Variants in CSNK1D observed in about 807,000 individuals in gnomAD.
The protein encoded by CSNK1D is casein kinase I isoform delta.
In CSNK1D, 16 loss-of-function variants were observed where a neutral mutation model predicts 46.6. That is an observed-to-expected ratio of 0.34 (90% confidence interval 0.23 to 0.52). The LOEUF (loss-of-function observed/expected upper bound fraction) is 0.52. Ranked by LOEUF, CSNK1D falls within the 20% of genes least tolerant of loss-of-function variation. CSNK1D has a pLI of 0.95. For missense variants in CSNK1D, 398 were observed against 578.4 expected (o/e 0.69, Z 3.20); for synonymous variants, 276 against 228.2 (o/e 1.21, Z -1.89).
intron 2 of CSNK1D, among the ~76,000 whole-genome samples, chr17:82,258,546 C>T (rs1214573221): frequency 6.6e-6 from 1 of 152,140 alleles, no homozygotes; most frequent in Non-Finnish European, 1.5e-5. Context: ...ATTCTTTTCT[C>T]TCTCTAGATG....
rs2050800058 is a variant in CSNK1D, at chr17:82,244,502, A to G, written c.*279T>C. 143 of 1,410,566 alleles carry G rather than the reference A, an allele frequency of 1.0e-4. No homozygotes were observed. Among genetic ancestry groups the G allele is most frequent in the Non-Finnish European group, 1.3e-4 (139 of 1,080,366 alleles). 87.4% of individuals were successfully genotyped at this position (1,410,566 alleles called of 1,614,324 possible). ...ACTGGAGGGAGCTGAGGCCCTGGAAAAGGAGTCTGATTCTCTGCAATTCTC... is the reference window on the plus strand; with the variant it reads ...ACTGGAGGGAGCTGAGGCCCTGGAAGAGGAGTCTGATTCTCTGCAATTCTC... On this transcript the variant is annotated 3_prime_UTR_variant, in exon 9 of 9. Coordinates refer to ENST00000314028, the MANE Select transcript of CSNK1D (RefSeq NM_001893.6).
In CSNK1D at chr17:82,255,140, G is replaced by T; in HGVS notation, c.336+289C>A. 2.2e-6 allele frequency: 1 copy of T among 447,214 alleles called. No homozygotes were observed. Among genetic ancestry groups the T allele is most frequent in the Non-Finnish European group, 4.1e-6 (1 of 245,402 alleles). The allele number at this position is 447,214 out of a possible 1,614,324, so 27.7% of individuals were successfully genotyped here. ...GTGAGCTGAGCCGTCGGAGCCTCCA[G>T]AAGCCAGTGAGCTGGGCCGCCGGAG... On this transcript the variant is annotated intron_variant, in intron 3 of 8. Transcript: ENST00000314028. This position sits in a 1 kb window ranked among gnomAD's most constrained non-coding sequence, Gnocchi z 5.9.
intron 1 of CSNK1D, chr17:82,266,976 C>T (rs11871255): frequency 0.052 from 7,600 of 146,278 alleles, 577 homozygotes; most frequent in African/African-American, 0.17. Flanking sequence ...AGGAGAATGG[C>T]GTGAACCTGG....
At chr17:82,246,122 TCCTTG>T (rs2050844874) in intron 8 of CSNK1D, 1 of 1,552,406 alleles carries the variant, frequency 6.4e-7, no homozygotes, top group Non-Finnish European at 8.7e-7. Context: ...CAGATGGGCA[TCCTTG>T]CCTCAACCAG....
intron 3 of CSNK1D, chr17:82,253,501 G>A: frequency 4.1e-6 from 2 of 492,414 alleles, no homozygotes; most frequent in South Asian, 3.8e-5. Flanking sequence ...TGAGGCGACA[G>A]AGAGGGGACA....
At chr17:82,265,103 C>T (rs749721276) in intron 2 of CSNK1D, among the ~76,000 whole-genome samples, 4 of 151,562 alleles carry the variant, frequency 2.6e-5, no homozygotes, top group Non-Finnish European at 5.9e-5. Context: ...CTGGCCTATT[C>T]ACACACACTC....
At chr17:82,264,685 C>T (rs951714925) in intron 2 of CSNK1D, among the ~76,000 whole-genome samples, 3 of 152,152 alleles carry the variant, frequency 2.0e-5, no homozygotes, top group Non-Finnish European at 4.4e-5. Flanking sequence ...ACTCAGGGAT[C>T]ACACATCAGG....
intron 3 of CSNK1D, chr17:82,253,490 G>C (rs1437636466): frequency 2.7e-5 from 14 of 509,154 alleles, no homozygotes; most frequent in Non-Finnish European, 5.1e-5. Context: ...AAACAGAGAG[G>C]TGAGGCGACA....
chr17:82,251,497 C>T lies in CSNK1D; in HGVS notation c.767G>A (p.Arg256His), dbSNP rs773629124. ...SEFATYLNFC[R>H]SLRFDDKPDY... The stretch of plus-strand genomic sequence containing the variant: ...AGGCTTGTCGTCAAAACGCAAGGAA[C>T]GGCAGAAATTCAGGTATGTGGCAAA... Residue 256 changes from arginine to histidine, a missense_variant, in exon 6 of 9, where the codon CGT (arginine) becomes CAT (histidine). Around this residue, in one of 2 missense-constraint regions of CSNK1D, gnomAD observed 217 missense variants for 370.3 expected, o/e 0.59. Transcript: ENST00000314028. The surrounding 1 kb of genome is among the most constrained non-coding windows in gnomAD (Gnocchi z 4.5). 8 of 1,613,946 alleles carry T rather than the reference C, an allele frequency of 5.0e-6. No homozygotes were observed. Among genetic ancestry groups the T allele is most frequent in the African/African-American group, 2.7e-5 (2 of 74,890 alleles).
At chr17:82,244,858 G>A (rs201284247) in intron 8 of CSNK1D, 27 bp from the exon 9 acceptor site, 1 of 1,613,374 alleles carries the variant, frequency 6.2e-7, no homozygotes, top group Non-Finnish European at 8.5e-7. Flanking sequence ...ACAGGAGAAG[G>A]TCAGCATGGG....
chr17:82,245,877 G>C, intron 8 of CSNK1D: 1 of 1,227,048 alleles, frequency 8.1e-7, no homozygotes, highest in Non-Finnish European at 1.2e-6. Context: ...CCAGCACCTG[G>C]CATGCAAGCC....
chr17:82,253,594 G>A, intron 3 of CSNK1D: 1 of 369,064 alleles, frequency 2.7e-6, no homozygotes, highest in Non-Finnish European at 5.3e-6. Context: ...CTGCACGGAG[G>A]TGCTTAGGAA....
rs748193937 is a variant in CSNK1D at position 82,251,369 on chromosome 17, T to A, written c.885+10A>T. ...CCACACTCAGCGAACGTGCTGGCAG[T>A]GCGACTTACAAATTTGAGCATGTTC... On this transcript the variant is annotated intron_variant, in intron 6 of 8. Coordinates refer to ENST00000314028, the MANE Select transcript of CSNK1D (RefSeq NM_001893.6). This position sits in a 1 kb window ranked among gnomAD's most constrained non-coding sequence, Gnocchi z 4.5. 1.2e-6 allele frequency: 2 copies of A among 1,613,992 alleles called. No individual in the cohort carries two copies.
intron 2 of CSNK1D, among the ~76,000 whole-genome samples, chr17:82,260,255 CGAGTGATGTGACTGATGGTGTACT>C (rs2051295418): frequency 2.0e-5 from 2 of 97,656 alleles, no homozygotes; most frequent in African/African-American, 8.0e-5. Flanking sequence ...GATGGTATAC[CGAGTGATGTGACTGATGGTGTACT>C]GAGTGATGCG....
Position 82,244,793 on chromosome 17 carries a change from G to T in CSNK1D, c.1236C>A (p.Val412=), listed in dbSNP as rs760928529. Residue 412 remains valine (V), a synonymous_variant, in exon 9 of 9, where the codon GTC becomes GTA. Transcript: ENST00000314028. ...GRVASSGLQS[V]VHR is the part of the protein sequence containing the mutation. The stretch of plus-strand genomic sequence containing the variant: ...ATAAGGAGAGTTCTCATCGGTGCAC[G>T]ACAGACTGAAGACCACTGGAAGCCA... The T allele has an allele frequency of 6.2e-7, 1 of 1,613,976 alleles. No homozygotes were observed. The highest frequency in any genetic ancestry group is 8.5e-7 in the Non-Finnish European group (1 of 1,180,038).
chr17:82,252,955 G>T lies in CSNK1D; in HGVS notation c.565+61C>A. The T allele has an allele frequency of 6.8e-7, 1 of 1,471,338 alleles. No individual in the cohort carries two copies. The highest frequency in any genetic ancestry group is 9.5e-7 in the Non-Finnish European group (1 of 1,055,690). 91.1% of individuals were successfully genotyped at this position (1,471,338 alleles called of 1,614,324 possible). A position where few individuals can be genotyped will look rare whatever the true frequency, so the allele number is the denominator to read the frequency against. On this transcript the variant is annotated intron_variant, in intron 4 of 8. Coordinates refer to ENST00000314028, the MANE Select transcript of CSNK1D (RefSeq NM_001893.6). The surrounding 1 kb of genome is among the most constrained non-coding windows in gnomAD (Gnocchi z 4.6). ...CCCCGAGAGGCTGGCCTCTCCCTGG[G>T]CTGAGGCATGGACGCGCCCAAAGGC...
At position 82,250,835 on chromosome 17, in the gene CSNK1D, ACAGCGGTGT is replaced by A; in HGVS notation, c.885+535_885+543del. ...CAGTTCCACAGGAGCTTCATTTCTG[ACAGCGGTGT>A]CTGAAAAGTAATTCAGCTCAGACAT... On this transcript the variant is annotated intron_variant, in intron 6 of 8. Transcript: ENST00000314028. This position sits in a 1 kb window ranked among gnomAD's most constrained non-coding sequence, Gnocchi z 4.6. The A allele has an allele frequency of 5.7e-6, 1 of 174,620 alleles. No individual in the cohort carries two copies. The highest frequency in any genetic ancestry group is 1.5e-4 in the East Asian group (1 of 6,598). The allele number at this position is 174,620 out of a possible 1,614,324, so 10.8% of individuals were successfully genotyped here.
At position 82,273,118 on chromosome 17, in the gene CSNK1D, T is replaced by C. The variant is rs1599629918; in HGVS notation, c.76+188A>G. 4 of 198,892 alleles carry C rather than the reference T, an allele frequency of 2.0e-5. No individual in the cohort carries two copies. Among genetic ancestry groups the C allele is most frequent in the Admixed American group, 6.7e-5 (1 of 14,950 alleles). The allele number at this position is 198,892 out of a possible 1,614,324, so 12.3% of individuals were successfully genotyped here. A position where few individuals can be genotyped will look rare whatever the true frequency, so the allele number is the denominator to read the frequency against. On this transcript the variant is annotated intron_variant, in intron 1 of 8. Transcript: ENST00000314028. This position sits in a 1 kb window ranked among gnomAD's most constrained non-coding sequence, Gnocchi z 5.1. ...GGTCCTGCCCCTCCCCCACGTCCGC[T>C]CCCCACTGCCCTCCCCACCCCTGGC... is the stretch of plus-strand genomic sequence containing the variant.
chr17:82,273,527 C>A lies in CSNK1D; in HGVS notation c.-146G>T. The A allele has an allele frequency of 1.0e-6, 1 of 972,776 alleles. No homozygotes were observed. The highest frequency in any genetic ancestry group is 1.5e-5 in the South Asian group (1 of 65,138). The allele number at this position is 972,776 out of a possible 1,614,324, so 60.3% of individuals were successfully genotyped here. ...CCCGCTTTCACCATCGCTTTCCTGT[C>A]GCCCCGCCGCTCCCAGCGCCTCAAT... On this transcript the variant is annotated 5_prime_UTR_variant, in exon 1 of 9. Transcript: ENST00000314028. This position sits in a 1 kb window ranked among gnomAD's most constrained non-coding sequence, Gnocchi z 5.1.
Sources: gnomAD v4.1 joint callset for allele counts (sites outside exome capture counted in the v4.1 genomes callset) on GRCh38, gnomAD v4.1.1 for gene constraint, gnomAD v4.1.1 regional missense constraint, Gnocchi (gnomAD v3.1) non-coding constraint, MANE v1.5 for transcripts, NCBI Gene and HGNC (gene_info 2026-07-23, HGNC 2026-07-21) for gene names.